Variants in MAP3K4 observed in about 807,000 individuals in gnomAD.
MAP3K4 encodes the protein mitogen-activated protein kinase kinase kinase 4.
Under a neutral mutation model 185.6 loss-of-function variants are expected in MAP3K4, and 67 were observed. That is an observed-to-expected ratio of 0.36 (90% CI 0.30 to 0.44). The LOEUF (loss-of-function observed/expected upper bound fraction) is 0.44. Among genes scored for constraint, MAP3K4 ranks in the 20% least tolerant of loss-of-function variants. The pLI is 1.00. For missense variants in MAP3K4, 1,551 were observed against 1,995.1 expected (o/e 0.78, Z 4.24); for synonymous variants, 702 against 710.4 (o/e 0.99, Z 0.19).
rs1784939318 is a variant in MAP3K4 at position 161,071,443 on chromosome 6, T to C, written c.1950+593T>C. ...TATTAACATATTGATATTCACCATA[T>C]AAAGTAAAAATTTCCAGACCTTGTC... On this transcript the variant is annotated intron_variant, in intron 4 of 26. Transcript: ENST00000392142. The surrounding 1 kb of genome is among the most constrained non-coding windows in gnomAD (Gnocchi z 4.6). Among the ~76,000 whole-genome samples the C allele has an allele frequency of 6.6e-6, 1 of 152,206 alleles. No individual in the cohort carries two copies. The highest frequency in any genetic ancestry group is 1.5e-5 in the Non-Finnish European group (1 of 68,050).
intron 1 of MAP3K4, among the ~76,000 whole-genome samples, chr6:161,030,557 G>A (rs1782877376): frequency 6.6e-6 from 1 of 152,014 alleles, no homozygotes. Context: ...GGGACCACAG[G>A]TGCATGCCAC....
intron 1 of MAP3K4, among the ~76,000 whole-genome samples, chr6:160,998,226 G>A (rs1260981403): frequency 1.3e-5 from 2 of 151,928 alleles, no homozygotes; most frequent in African/African-American, 4.8e-5. Flanking sequence ...TTTGATGTGA[G>A]CTAATCTCTA....
In MAP3K4 at chr6:161,095,043, A is replaced by G. The variant is rs10080650; in HGVS notation, c.3427+1192A>G. ...GTAGAAAAAGATTACAAAAGACAAA[A>G]TAAAAATGACTCATACTTCCTGAAT... On this transcript the variant is annotated intron_variant, in intron 15 of 26. Coordinates refer to ENST00000392142, the MANE Select transcript of MAP3K4 (RefSeq NM_005922.4). Among the ~76,000 whole-genome samples the G allele has an allele frequency of 9.3e-3, 1,418 of 152,356 alleles. 25 individuals are homozygous for G. Among genetic ancestry groups the G allele is most frequent in the African/African-American group, 0.033 (1,371 of 41,582 alleles).
chr6:161,011,786 T>C (rs1335055100), intron 1 of MAP3K4, among the ~76,000 whole-genome samples: 1 of 152,160 alleles, frequency 6.6e-6, no homozygotes, highest in East Asian at 1.9e-4. Flanking sequence ...ATAGTAAAGC[T>C]TAACTGTACT....
At position 161,107,790 on chromosome 6, in the gene MAP3K4, A is replaced by G. The variant is rs1208147556; in HGVS notation, c.4049-109A>G. ...TAAACTGCAGTAAACATAATTATAG[A>G]TATATAAATATACGTCCAAAATAAT... On this transcript the variant is annotated intron_variant, in intron 20 of 26. Transcript: ENST00000392142. The surrounding 1 kb of genome is among the most constrained non-coding windows in gnomAD (Gnocchi z 6.2). 3 of 748,510 alleles carry G rather than the reference A, an allele frequency of 4.0e-6. No homozygotes were observed. The highest frequency in any genetic ancestry group is 6.6e-6 in the Non-Finnish European group (3 of 454,688). 46.4% of individuals were successfully genotyped at this position (748,510 alleles called of 1,614,324 possible). A position where few individuals can be genotyped will look rare whatever the true frequency, so the allele number is the denominator to read the frequency against.
rs1438059744 is a variant in MAP3K4, at chr6:161,070,573, T to C, written c.1708-35T>C. 1.1e-5 allele frequency: 17 copies of C among 1,596,360 alleles called. No individual in the cohort carries two copies. The highest frequency in any genetic ancestry group is 1.5e-5 in the Non-Finnish European group (17 of 1,170,788). ...AACCGTAGAACGTTGTCTCGTATGC[T>C]CTTTTAATCTGTGCCTGTTGAATTT... On this transcript the variant is annotated intron_variant, in intron 3 of 26. Coordinates refer to ENST00000392142, the MANE Select transcript of MAP3K4 (RefSeq NM_005922.4). This position sits in a 1 kb window ranked among gnomAD's most constrained non-coding sequence, Gnocchi z 4.5.
chr6:161,050,908 G>A (rs1425896628), intron 3 of MAP3K4, among the ~76,000 whole-genome samples: 2 of 152,188 alleles, frequency 1.3e-5, no homozygotes, highest in Non-Finnish European at 2.9e-5. Context: ...TATCAGAGGT[G>A]GTTTGGTTTT....
rs758343292 is a variant in MAP3K4 at position 161,088,940 on chromosome 6, C to T, written c.2824-382C>T. On this transcript the variant is annotated intron_variant, in intron 10 of 26. Transcript: ENST00000392142. The surrounding 1 kb of genome is among the most constrained non-coding windows in gnomAD (Gnocchi z 4.5). Reference sequence around the variant, plus strand: ...ATTTCTTAATGTTTTATATAAGGCCCCTCATCTTATTTCTGTCTTATTCCT... The same window carrying T: ...ATTTCTTAATGTTTTATATAAGGCCTCTCATCTTATTTCTGTCTTATTCCT... 1.3e-5 allele frequency among the ~76,000 whole-genome samples: 2 copies of T among 152,058 alleles called. No individual in the cohort carries two copies. Among genetic ancestry groups the T allele is most frequent in the East Asian group, 1.9e-4 (1 of 5,184 alleles).
chr6:161,073,571 A>C lies in MAP3K4; in HGVS notation c.2056A>C (p.Asn686His). Residue 686 changes from asparagine (N) to histidine (H), a missense_variant, in exon 5 of 27, where the codon AAC becomes CAC. By Grantham distance (68) the Asn-to-His change is moderately conservative (BLOSUM62 1). Transcript: ENST00000392142. This position sits in a 1 kb window ranked among gnomAD's most constrained non-coding sequence, Gnocchi z 4.2. ...VLEDLEKPDC[N>H]IDAFEEDLHK... ...GGAGGACTTGGAGAAGCCCGACTGC[A>C]ACATTGACGCTTTTGAAGAGGATCT... 1.9e-6 allele frequency: 3 copies of C among 1,614,036 alleles called. No individual in the cohort carries two copies. Among genetic ancestry groups the C allele is most frequent in the Non-Finnish European group, 2.5e-6 (3 of 1,179,964 alleles).
rs1319195683 is a variant in MAP3K4, at chr6:161,086,697, A to AT, written c.2556+34dup. The AT allele has an allele frequency of 6.4e-7, 1 of 1,571,972 alleles. No individual in the cohort carries two copies. Among genetic ancestry groups the AT allele is most frequent in the Non-Finnish European group, 8.7e-7 (1 of 1,152,270 alleles). On this transcript the variant is annotated intron_variant, in intron 9 of 26. Coordinates refer to ENST00000392142, the MANE Select transcript of MAP3K4 (RefSeq NM_005922.4). This position sits in a 1 kb window ranked among gnomAD's most constrained non-coding sequence, Gnocchi z 4.8. ...GTACTTCAAATGTTGTGATTGAAAC[A>AT]TTTTGCCTTTCCTTCTTTATTCTAA...
intron 2 of MAP3K4, among the ~76,000 whole-genome samples, chr6:161,040,509 G>A (rs1286320481): frequency 6.6e-6 from 1 of 152,220 alleles, no homozygotes; most frequent in Middle Eastern, 3.2e-3. Flanking sequence ...ATGTGCATGT[G>A]TGCATTTTTG....
intron 1 of MAP3K4, among the ~76,000 whole-genome samples, chr6:161,005,244 T>C (rs1170772653): frequency 1.3e-5 from 2 of 151,728 alleles, no homozygotes; most frequent in African/African-American, 2.4e-5. Flanking sequence ...GCTCAAGTGA[T>C]CCTCCCACCT....
rs770509286 is a variant in MAP3K4 at position 161,106,629 on chromosome 6, G to A, written c.3972G>A (p.Thr1324=). 7.4e-6 allele frequency: 12 copies of A among 1,613,832 alleles called. No homozygotes were observed. The highest frequency in any genetic ancestry group is 5.0e-5 in the Admixed American group (3 of 59,970). ...RKNIIGQVCD[T]PKSYDNVMHV... ...ATATCATTGGTCAAGTTTGTGATACGCCTAAGTCCTATGATAATGTTATGC... is the reference window on the plus strand; with the variant it reads ...ATATCATTGGTCAAGTTTGTGATACACCTAAGTCCTATGATAATGTTATGC... The change falls in exon 20 of 27, where the codon ACG becomes ACA. Residue 1324 remains threonine, a synonymous_variant. Coordinates refer to ENST00000392142, the MANE Select transcript of MAP3K4 (RefSeq NM_005922.4). This position sits in a 1 kb window ranked among gnomAD's most constrained non-coding sequence, Gnocchi z 4.9.
chr6:161,109,819 G>A lies in MAP3K4; in HGVS notation c.4301G>A (p.Gly1434Glu), dbSNP rs757803331. 6.2e-7 allele frequency: 1 copy of A among 1,614,162 alleles called. No homozygotes were observed. Among genetic ancestry groups the A allele is most frequent in the Non-Finnish European group, 8.5e-7 (1 of 1,180,032 alleles). Residue 1434 changes from glycine to glutamate, a missense_variant, in exon 23 of 27, where the codon GGA (glycine) becomes GAA (glutamate). This residue lies in a region of MAP3K4 where 159 missense variants were observed against 300.5 expected (regional missense o/e 0.53). Transcript: ENST00000392142. The surrounding 1 kb of genome is among the most constrained non-coding windows in gnomAD (Gnocchi z 5.7). The part of the protein sequence containing the change: ...EGTLEEVSRL[G>E]LQEHVIRLYS... ...ACTTTAGAAGAGGTGTCAAGGCTGG[G>A]ACTTCAGGAACATGTGATTAGGCTG...
At chr6:161,029,659 T>C (rs567918406) in intron 1 of MAP3K4, among the ~76,000 whole-genome samples, 26 of 152,354 alleles carry the variant, frequency 1.7e-4, no homozygotes, top group Admixed American at 7.8e-4. Context: ...CTTGTACTAC[T>C]TTGCTCATCC....
intron 3 of MAP3K4, among the ~76,000 whole-genome samples, chr6:161,060,958 C>T (rs7746515): frequency 0.21 from 32,443 of 152,050 alleles, 4,785 homozygotes; most frequent in African/African-American, 0.42. Flanking sequence ...CCCTAGTTCC[C>T]TTTATTGAGA....
chr6:161,078,853 A>C (rs1785302957), intron 5 of MAP3K4, among the ~76,000 whole-genome samples: 1 of 152,186 alleles, frequency 6.6e-6, no homozygotes, highest in Admixed American at 6.5e-5. Flanking sequence ...TGATGACGTA[A>C]ATCTTAAAGG....
At chr6:161,081,074 A>G in intron 6 of MAP3K4, 36 bp downstream of exon 6, 1 of 1,603,878 alleles carries the variant, frequency 6.2e-7, no homozygotes, top group Non-Finnish European at 8.5e-7. Flanking sequence ...CGACGCTCCC[A>G]CCTTCTCACT....
In MAP3K4 at chr6:161,074,749, C is replaced by A. The variant is rs1277190510; in HGVS notation, c.2097+1137C>A. The stretch of plus-strand genomic sequence containing the variant: ...AAACTGTATCGTTGTAGGTGGGGTG[C>A]ATTCATTCTTGCTTAACATGTACTG... On this transcript the variant is annotated intron_variant, in intron 5 of 26. Transcript: ENST00000392142. This position sits in a 1 kb window ranked among gnomAD's most constrained non-coding sequence, Gnocchi z 5.0. Among the ~76,000 whole-genome samples, 2 of 152,170 alleles carry A rather than the reference C, an allele frequency of 1.3e-5. No individual in the cohort carries two copies. Among genetic ancestry groups the A allele is most frequent in the South Asian group, 4.1e-4 (2 of 4,822 alleles).
Sources: gnomAD v4.1 joint callset for allele counts (sites outside exome capture counted in the v4.1 genomes callset) on GRCh38, gnomAD v4.1.1 for gene constraint, gnomAD v4.1.1 regional missense constraint, Gnocchi (gnomAD v3.1) non-coding constraint, MANE v1.5 for transcripts, NCBI Gene and HGNC (gene_info 2026-07-23, HGNC 2026-07-21) for gene names.